Variants in TMEM63A observed in about 807,000 individuals in gnomAD.
TMEM63A encodes the protein transmembrane protein 63A, also known as mechanosensitive cation channel TMEM63A.
A neutral mutation model predicts 100.6 loss-of-function variants in TMEM63A; 76 were observed. That is an observed-to-expected ratio of 0.76 (90% CI 0.63 to 0.91). The LOEUF (loss-of-function observed/expected upper bound fraction) is 0.91. Among genes scored for constraint, TMEM63A ranks in the 40% least tolerant of loss-of-function variants. TMEM63A has a pLI of 0.00. For missense variants in TMEM63A, 876 were observed against 1,008.8 expected, an observed-to-expected ratio of 0.87 and a Z score of 1.78; for synonymous variants, 401 against 401.1, an observed-to-expected ratio of 1.00 and a Z score of 0.00.
intron 20 of TMEM63A, among the ~76,000 whole-genome samples, chr1:225,851,580 G>C (rs1347431595): frequency 6.6e-6 from 1 of 152,030 alleles, no homozygotes; most frequent in Non-Finnish European, 1.5e-5. Context: ...ATATTGGCCA[G>C]GTTGTTCTTG....
intron 17 of TMEM63A, 78 bp from the exon 18 acceptor site, chr1:225,856,018 G>C (rs1460483932): frequency 1.3e-6 from 2 of 1,494,048 alleles, no homozygotes; most frequent in Non-Finnish European, 1.8e-6. Flanking sequence ...ATTTTCTTTT[G>C]CTCTAAAAAC....
Position 225,857,154 on chromosome 1 carries a change from G to C in TMEM63A, c.1378-137C>G, listed in dbSNP as rs79283347. 18 of 653,250 alleles carry C rather than the reference G, an allele frequency of 2.8e-5. No individual in the cohort carries two copies. In the East Asian group the frequency reaches 5.6e-4, roughly 20 times the overall value. The allele number at this position is 653,250 out of a possible 1,614,324, so 40.5% of individuals were successfully genotyped here. A position where few individuals can be genotyped will look rare whatever the true frequency, so the allele number is the denominator to read the frequency against. On this transcript the variant is annotated intron_variant, in intron 15 of 24. Transcript: ENST00000366835. ...CATCTCTGACCCCAGAACCAAAACT[G>C]TGCCAGGTACAGAGTTGGTAGTCCA...
chr1:225,874,166 G>A, intron 4 of TMEM63A, 122 bp downstream of exon 4: 6 of 962,682 alleles, frequency 6.2e-6, no homozygotes, highest in Non-Finnish European at 9.1e-6. Flanking sequence ...GCCCATTCCA[G>A]GGACACACAC....
rs1185165774 is a variant in TMEM63A, at chr1:225,865,595, T to C, written c.746+302A>G. ...CTAAGAACCCCGGGGTCAACAATTT[T>C]TTCCCCCGTATGCTCTCAAGACGTT... On this transcript the variant is annotated intron_variant, in intron 10 of 24. Transcript: ENST00000366835. This position sits in a 1 kb window ranked among gnomAD's most constrained non-coding sequence, Gnocchi z 4.6. 1.3e-5 allele frequency: 4 copies of C among 303,144 alleles called. No homozygotes were observed. The highest frequency in any genetic ancestry group is 5.9e-5 in the South Asian group (1 of 16,902). The allele number at this position is 303,144 out of a possible 1,614,324, so 18.8% of individuals were successfully genotyped here.
At chr1:225,851,401 C>T (rs1331800754) in intron 20 of TMEM63A, among the ~76,000 whole-genome samples, 1 of 152,000 alleles carries the variant, frequency 6.6e-6, no homozygotes, top group Non-Finnish European at 1.5e-5. Flanking sequence ...GATGGAGTCT[C>T]GCTCATTGGT....
chr1:225,866,491 G>A (rs1670217543), intron 9 of TMEM63A, 83 bp downstream of exon 9: 1 of 1,269,992 alleles, frequency 7.9e-7, no homozygotes, highest in Non-Finnish European at 1.1e-6. Context: ...GTCAGGGCCT[G>A]TGGCAGAGCC....
At chr1:225,845,206 T>TGAAAAGTGGGTGAG, downstream of TMEM63A, 1 of 1,614,182 alleles carries the variant, frequency 6.2e-7, no homozygotes, top group Non-Finnish European at 8.5e-7. Context: ...TGCACACGCC[T>TGAAAAGTGGGTGAG]GAAAAGTGGG....
chr1:225,850,157 C>T, intron 20 of TMEM63A, 78 bp from the exon 21 acceptor site: 1 of 1,549,630 alleles, frequency 6.5e-7, no homozygotes, highest in Non-Finnish European at 8.8e-7. Context: ...TCCGGGGCGG[C>T]TATTTTGGCA....
intron 6 of TMEM63A, 69 bp downstream of exon 6, chr1:225,871,007 C>T (rs1670481443): frequency 2.6e-6 from 4 of 1,549,540 alleles, no homozygotes; most frequent in Non-Finnish European, 3.6e-6. Context: ...GCTCTTGCCT[C>T]TTGACTGGCC....
Position 225,845,644 on chromosome 1 carries a change from T to A in TMEM63A, c.*1295A>T. On this transcript the variant is annotated 3_prime_UTR_variant, in exon 25 of 25. Transcript: ENST00000366835. Reference sequence around the variant, plus strand: ...CAAGCAGAGCTGGCCGGCCCCTCCTTGCTGGCAGAGGCACGGGAGGCCTGC... The same window carrying A: ...CAAGCAGAGCTGGCCGGCCCCTCCTAGCTGGCAGAGGCACGGGAGGCCTGC... 6.2e-6 allele frequency: 3 copies of A among 480,536 alleles called. No individual in the cohort carries two copies. Among genetic ancestry groups the A allele is most frequent in the East Asian group, 8.1e-5 (2 of 24,794 alleles). The allele number at this position is 480,536 out of a possible 1,614,324, so 29.8% of individuals were successfully genotyped here. A position where few individuals can be genotyped will look rare whatever the true frequency, so the allele number is the denominator to read the frequency against.
At chr1:225,841,103 C>G (rs769727663), downstream of TMEM63A, 1 of 152,188 alleles carries the variant, frequency 6.6e-6, no homozygotes, top group Non-Finnish European at 1.5e-5. Flanking sequence ...ATGGCCCCAA[C>G]ACTCCAGATG....
chr1:225,854,639 C>A (rs1447711514), intron 18 of TMEM63A, among the ~76,000 whole-genome samples: 1 of 152,024 alleles, frequency 6.6e-6, no homozygotes, highest in East Asian at 1.9e-4. Flanking sequence ...TCCGTGGTAC[C>A]CAGTAAAACT....
In TMEM63A at chr1:225,858,948, A is replaced by ATGTGTGTGTGTGTG. The variant is rs57543496; in HGVS notation, c.1377+234_1377+247dup. Among the ~76,000 whole-genome samples the ATGTGTGTGTGTGTG allele has an allele frequency of 2.1e-4, 30 of 139,750 alleles. 1 individual carries two copies. The highest frequency in any genetic ancestry group is 8.1e-4 in the African/African-American group (30 of 37,004). The allele number at this position is 139,750 out of a possible 152,430, so 91.7% of individuals were successfully genotyped here. Reference sequence around the variant, plus strand: ...GCATGTGTGTGTATATATACATATAATGTGTGTGTGTGTGTGTGTGTGTGT... The same window carrying ATGTGTGTGTGTGTG: ...GCATGTGTGTGTATATATACATATAATGTGTGTGTGTGTGTGTGTGTGTGTGTGTGTGTGTGTGT... On this transcript the variant is annotated intron_variant, in intron 15 of 24. Coordinates refer to ENST00000366835, the MANE Select transcript of TMEM63A (RefSeq NM_014698.3).
chr1:225,870,075 C>T (rs950877695), intron 6 of TMEM63A, among the ~76,000 whole-genome samples: 4 of 152,008 alleles, frequency 2.6e-5, no homozygotes, highest in Admixed American at 6.5e-5. Flanking sequence ...CTGGGCCGGG[C>T]GCGGTGGCTC....
intron 14 of TMEM63A, chr1:225,859,736 C>T (rs1234904893): frequency 1.0e-5 from 2 of 195,376 alleles, no homozygotes; most frequent in Non-Finnish European, 2.1e-5. Flanking sequence ...ACCTCTGCCT[C>T]CCAGGTTCAA....
intron 1 of TMEM63A, among the ~76,000 whole-genome samples, chr1:225,879,678 C>T (rs1670993463): frequency 6.6e-6 from 1 of 152,188 alleles, no homozygotes; most frequent in African/African-American, 2.4e-5. Context: ...TTGCCAATGG[C>T]TCAGGGACCT....
chr1:225,854,701 T>A (rs1025309243), intron 18 of TMEM63A, among the ~76,000 whole-genome samples: 4 of 152,152 alleles, frequency 2.6e-5, no homozygotes, highest in Non-Finnish European at 4.4e-5. Context: ...AGGTGCAGGC[T>A]AGAGGCATAA....
intron 2 of TMEM63A, 65 bp from the exon 3 acceptor site, chr1:225,877,659 A>C: frequency 6.8e-7 from 1 of 1,478,610 alleles, no homozygotes. Flanking sequence ...GGTTCCCACC[A>C]GTGCTGGCAG....
chr1:225,850,405 G>C (rs1201005184), intron 20 of TMEM63A, among the ~76,000 whole-genome samples: 2 of 152,180 alleles, frequency 1.3e-5, no homozygotes, highest in Non-Finnish European at 1.5e-5. Flanking sequence ...TAAAGGGTTT[G>C]GCTGAAGGCA....
Sources: gnomAD v4.1 joint callset for allele counts (sites outside exome capture counted in the v4.1 genomes callset) on GRCh38, gnomAD v4.1.1 for gene constraint, Gnocchi (gnomAD v3.1) non-coding constraint, MANE v1.5 for transcripts, NCBI Gene and HGNC (gene_info 2026-07-23, HGNC 2026-07-21) for gene names.